The following SATB2 variants were observed in gnomAD, a reference collection of about 807,000 sequenced individuals.
SATB2 encodes the protein SATB homeobox 2, also known as DNA-binding protein SATB2.
In SATB2, 1 loss-of-function variant was observed where a neutral mutation model predicts 73.4. The ratio of observed to expected loss-of-function variants is 0.01; its 90% CI spans 0.00 to 0.06. The LOEUF is 0.06. Among genes scored for constraint, SATB2 ranks in the 10% least tolerant of loss-of-function variants. The pLI is 1.00. For missense variants in SATB2, 459 were observed against 945.8 expected (o/e 0.49, Z 6.75); for synonymous variants, 397 against 367.0 (o/e 1.08, Z -0.93).
At chr2:199,409,566 T>C (rs924975995) in intron 3 of SATB2, among the ~76,000 whole-genome samples, 4 of 152,216 alleles carry the variant, frequency 2.6e-5, no homozygotes, top group Non-Finnish European at 5.9e-5. Context: ...ATGGACAAGA[T>C]GGTGAATTAA....
At chr2:199,283,212 T>TGAATAC (rs1692581683) in intron 10 of SATB2, among the ~76,000 whole-genome samples, 1 of 150,674 alleles carries the variant, frequency 6.6e-6, no homozygotes, top group African/African-American at 2.4e-5. Flanking sequence ...GCCTCTTGAG[T>TGAATAC]AGCTGGGAAT....
At chr2:199,401,539 C>CA (rs974213960) in intron 3 of SATB2, among the ~76,000 whole-genome samples, 127 of 118,620 alleles carry the variant, frequency 1.1e-3, no homozygotes, top group Middle Eastern at 4.4e-3. Context: ...GACTCTGTCT[C>CA]AAAAAAAAAA....
chr2:199,361,713 A>G (rs1689142154), intron 6 of SATB2, among the ~76,000 whole-genome samples: 1 of 150,788 alleles, frequency 6.6e-6, no homozygotes, highest in African/African-American at 2.4e-5. Context: ...CTTATTTTTC[A>G]TTGTTACAAC....
chr2:199,397,716 C>T (rs1402490482), intron 3 of SATB2: 2 of 400,132 alleles, frequency 5.0e-6, no homozygotes, highest in African/African-American at 2.1e-5. Context: ...TAGTGAAACC[C>T]TATTACTACT....
intron 3 of SATB2, among the ~76,000 whole-genome samples, chr2:199,410,323 A>C (rs1265986531): frequency 6.6e-6 from 1 of 152,176 alleles, no homozygotes; most frequent in Admixed American, 6.5e-5. Flanking sequence ...GAACCCAGCT[A>C]AATTCTGTGT....
chr2:199,435,259 T>A (rs1052158074), intron 2 of SATB2, among the ~76,000 whole-genome samples: 4 of 152,226 alleles, frequency 2.6e-5, no homozygotes, highest in African/African-American at 9.6e-5. Flanking sequence ...TTAATTGTGA[T>A]CATTACTGGT....
At chr2:199,334,996 T>G (rs1390064848) in intron 7 of SATB2, among the ~76,000 whole-genome samples, 1 of 152,074 alleles carries the variant, frequency 6.6e-6, no homozygotes, top group South Asian at 2.1e-4. Context: ...ATCTGGCTGC[T>G]GAAATTCATT....
intron 5 of SATB2, among the ~76,000 whole-genome samples, chr2:199,373,890 A>G (rs1200527967): frequency 6.6e-6 from 1 of 152,226 alleles, no homozygotes; most frequent in Non-Finnish European, 1.5e-5. Context: ...CACTACATAC[A>G]TGAACTTAGG....
chr2:199,290,512 G>A (rs1692825538), intron 10 of SATB2, among the ~76,000 whole-genome samples: 1 of 152,160 alleles, frequency 6.6e-6, no homozygotes, highest in Non-Finnish European at 1.5e-5. Flanking sequence ...GGGAAATAAA[G>A]TATTAAATCT....
intron 3 of SATB2, among the ~76,000 whole-genome samples, chr2:199,428,437 A>G (rs561965798): frequency 6.6e-6 from 1 of 152,196 alleles, no homozygotes; most frequent in East Asian, 1.9e-4. Flanking sequence ...CTTATGTCCA[A>G]AAGTAAAGAG....
Position 199,369,328 on chromosome 2 carries a change from C to A in SATB2, c.598-621G>T, listed in dbSNP as rs974245781. On this transcript the variant is annotated intron_variant, in intron 5 of 10. Transcript: ENST00000417098. The stretch of plus-strand genomic sequence containing the variant: ...TTTCTGAGTGCTTAGGTGCATGATT[C>A]TTCCTTGCTCTCATCCTCCTCAGCC... Among the ~76,000 whole-genome samples, 9 of 152,232 alleles carry A rather than the reference C, an allele frequency of 5.9e-5. No homozygotes were observed. The Middle Eastern group carries it at 0.01, about 173-fold the overall frequency.
At chr2:199,386,094 T>C (rs1417687914) in intron 3 of SATB2, among the ~76,000 whole-genome samples, 2 of 152,188 alleles carry the variant, frequency 1.3e-5, no homozygotes, top group Non-Finnish European at 2.9e-5. Flanking sequence ...CAGAGATTAA[T>C]TTATACAAGT....
rs373635650 is a variant in SATB2 at position 199,311,607 on chromosome 2, G to A, written c.1543-2650C>T. Among the ~76,000 whole-genome samples the A allele has an allele frequency of 4.7e-4, 71 of 152,140 alleles. 1 individual carries two copies. Among genetic ancestry groups the A allele is most frequent in the African/African-American group, 1.3e-3 (54 of 41,494 alleles). Reference sequence around the variant, plus strand: ...AAGGCCGTTATTCCCTCCTACGGGCGCTCCTGTGATGCCATATATAGGTAT... The same window carrying A: ...AAGGCCGTTATTCCCTCCTACGGGCACTCCTGTGATGCCATATATAGGTAT... On this transcript the variant is annotated intron_variant, in intron 9 of 10. Coordinates refer to ENST00000417098, the MANE Select transcript of SATB2 (RefSeq NM_001172509.2).
chr2:199,274,275 G>A (rs1174341958), intron 10 of SATB2, among the ~76,000 whole-genome samples: 1 of 151,846 alleles, frequency 6.6e-6, no homozygotes, highest in African/African-American at 2.4e-5. Context: ...TACCATCCCT[G>A]CCACCTTTCC....
At chr2:199,450,648 A>C (rs1692097138) in intron 2 of SATB2, among the ~76,000 whole-genome samples, 1 of 152,108 alleles carries the variant, frequency 6.6e-6, no homozygotes, top group African/African-American at 2.4e-5. Context: ...CAAGAAAATA[A>C]TACTATTTGG....
chr2:199,401,363 T>G (rs1289673317), intron 3 of SATB2, among the ~76,000 whole-genome samples: 1 of 151,624 alleles, frequency 6.6e-6, no homozygotes, highest in Non-Finnish European at 1.5e-5. Context: ...CTGGCCAACA[T>G]GGTGAAACCC....
intron 2 of SATB2, among the ~76,000 whole-genome samples, chr2:199,447,182 G>A (rs1004180768): frequency 6.6e-6 from 1 of 152,156 alleles, no homozygotes; most frequent in African/African-American, 2.4e-5. Context: ...GAGGCAAAAC[G>A]AGCCCCAGGC....
At chr2:199,459,742 G>C (rs898810082), upstream of SATB2, 2 of 152,664 alleles carry the variant, frequency 1.3e-5, no homozygotes, top group Non-Finnish European at 2.9e-5. The surrounding 1 kb of genome is among the most constrained non-coding windows in gnomAD (Gnocchi z 4.2). Flanking sequence ...ACTAAGTTCG[G>C]TTTCGGGAAA....
chr2:199,384,593 G>A (rs1252218578), intron 3 of SATB2, among the ~76,000 whole-genome samples: 4 of 152,196 alleles, frequency 2.6e-5, no homozygotes, highest in Non-Finnish European at 4.4e-5. Context: ...TGGAATAGTA[G>A]TCAAGTGTTA....
Sources: gnomAD v4.1 joint callset for allele counts (sites outside exome capture counted in the v4.1 genomes callset) on GRCh38, gnomAD v4.1.1 for gene constraint, Gnocchi (gnomAD v3.1) non-coding constraint, MANE v1.5 for transcripts, NCBI Gene and HGNC (gene_info 2026-07-23, HGNC 2026-07-21) for gene names.